PTPA: variants seen among roughly 807,000 people sequenced by gnomAD.
The protein encoded by PTPA is serine/threonine-protein phosphatase 2A activator.
In PTPA, 13 loss-of-function variants were observed where a neutral mutation model predicts 43.6. The observed-to-expected ratio is 0.30, with a 90% CI of 0.19 to 0.47. The LOEUF (loss-of-function observed/expected upper bound fraction) is 0.47. Ranked by LOEUF, PTPA falls within the 20% of genes least tolerant of loss-of-function variation. The pLI, the probability that PTPA is intolerant of heterozygous loss-of-function variation, is 0.99. For missense variants in PTPA, 329 were observed against 411.9 expected (o/e 0.80, Z 1.74); for synonymous variants, 172 against 158.2 (o/e 1.09, Z -0.66).
intron 2 of PTPA, 94 bp from the exon 3 acceptor site, chr9:129,122,958 G>A (rs997177733): frequency 5.4e-6 from 5 of 929,826 alleles, no homozygotes; most frequent in South Asian, 1.4e-5. Context: ...TAGAAAGCTC[G>A]GAGCTCTTTG....
chr9:129,141,068 C>T (rs1850776714), intron 8 of PTPA, among the ~76,000 whole-genome samples: 1 of 152,022 alleles, frequency 6.6e-6, no homozygotes, highest in Non-Finnish European at 1.5e-5. Flanking sequence ...AGCCTGTTGT[C>T]CTTGCTCCTG....
intron 9 of PTPA, among the ~76,000 whole-genome samples, chr9:129,147,024 C>T (rs553538419): frequency 2.6e-5 from 4 of 152,312 alleles, no homozygotes; most frequent in South Asian, 4.1e-4. Context: ...AATGTCCCCA[C>T]GTCTCTTCTC....
At chr9:129,120,130 C>T (rs890639510) in intron 1 of PTPA, among the ~76,000 whole-genome samples, 42 of 152,130 alleles carry the variant, frequency 2.8e-4, no homozygotes, top group African/African-American at 9.4e-4. Context: ...TGGTGACATA[C>T]GTCTGTAATC....
chr9:129,133,963 G>C (rs1020184338), intron 5 of PTPA, among the ~76,000 whole-genome samples: 1 of 152,198 alleles, frequency 6.6e-6, no homozygotes, highest in Non-Finnish European at 1.5e-5. Context: ...TCAGATTTCA[G>C]ATTAGATGTT....
chr9:129,145,291 A>G lies in PTPA; in HGVS notation c.895-2096A>G, dbSNP rs181955048. 5.0e-3 allele frequency among the ~76,000 whole-genome samples: 751 copies of G among 151,490 alleles called. 5 individuals carry two copies. Among genetic ancestry groups the G allele is most frequent in the Non-Finnish European group, 8.2e-3 (558 of 67,848 alleles). On this transcript the variant is annotated intron_variant, in intron 9 of 9. Transcript: ENST00000393370. ...GGTTGCAGTGAGCCGAGATCATGCC[A>G]CTGCACTCCAGCCTGGGCAACAGCG...
chr9:129,121,195 A>G (rs1849228773), intron 2 of PTPA, among the ~76,000 whole-genome samples: 1 of 152,200 alleles, frequency 6.6e-6, no homozygotes, highest in African/African-American at 2.4e-5. Flanking sequence ...TCAATTTCTC[A>G]GGGAAGGCCT....
intron 8 of PTPA, among the ~76,000 whole-genome samples, chr9:129,140,479 C>A (rs368532323): frequency 1.3e-5 from 2 of 152,344 alleles, no homozygotes; most frequent in South Asian, 2.1e-4. Flanking sequence ...GCCACTGGAG[C>A]TCCAGGACAT....
At chr9:129,111,297 G>C (rs1479334871), upstream of PTPA, 3 of 1,136,538 alleles carry the variant, frequency 2.6e-6, no homozygotes, top group African/African-American at 1.6e-5. Context: ...CGGTCCTAGC[G>C]CTTGGCGGCC....
chr9:129,124,336 G>A (rs552101497), intron 3 of PTPA, among the ~76,000 whole-genome samples: 1 of 144,318 alleles, frequency 6.9e-6, no homozygotes, highest in South Asian at 2.4e-4. Flanking sequence ...GAGCCACCAA[G>A]CTTGGCCCCT....
Position 129,122,999 on chromosome 9 carries a change from C to CA in PTPA, c.130-53_130-52insA, listed in dbSNP as rs369140071. 845 of 1,325,810 alleles carry CA rather than the reference C, an allele frequency of 6.4e-4. 8 individuals carry two copies. In the African/African-American group the frequency reaches 9.5e-3, roughly 15 times the overall value. 82.1% of individuals were successfully genotyped at this position (1,325,810 alleles called of 1,614,324 possible). ...CTGGTGGAGCTCGGGGCAGGTGGGG[C>CA]GGGGGGGTCTGCCACCCCTCTCCCC... On this transcript the variant is annotated intron_variant, in intron 2 of 9. Transcript: ENST00000393370.
At chr9:129,122,886 G>A (rs773548375) in intron 2 of PTPA, among the ~76,000 whole-genome samples, 166 bp from the exon 3 acceptor site, 7 of 152,176 alleles carry the variant, frequency 4.6e-5, no homozygotes, top group African/African-American at 7.2e-5. Context: ...GGTAGGGGTC[G>A]GTATTTGGCA....
chr9:129,140,334 G>T (rs1225824832), intron 8 of PTPA, among the ~76,000 whole-genome samples: 1 of 152,092 alleles, frequency 6.6e-6, no homozygotes, highest in Non-Finnish European at 1.5e-5. Flanking sequence ...GTTTTCCTTT[G>T]CCAGAGTTAC....
At chr9:129,111,318 A>C, upstream of PTPA, 4 of 1,132,394 alleles carry the variant, frequency 3.5e-6, no homozygotes, top group Non-Finnish European at 3.2e-6. Flanking sequence ...GTTGGCGCGC[A>C]TGCGCCCCGC....
At chr9:129,140,994 T>C (rs1488659013) in intron 8 of PTPA, among the ~76,000 whole-genome samples, 1 of 151,812 alleles carries the variant, frequency 6.6e-6, no homozygotes, top group Admixed American at 6.6e-5. Context: ...TTTGTCTCTG[T>C]TGGGTGCCTC....
chr9:129,127,028 G>T (rs1849625925), intron 3 of PTPA, among the ~76,000 whole-genome samples: 1 of 152,116 alleles, frequency 6.6e-6, no homozygotes, highest in Admixed American at 6.5e-5. Context: ...TTCTGCATGG[G>T]TTAGGTCTGG....
intron 6 of PTPA, among the ~76,000 whole-genome samples, chr9:129,135,158 G>T (rs778505875): frequency 2.0e-5 from 3 of 152,208 alleles, no homozygotes; most frequent in Non-Finnish European, 4.4e-5. Flanking sequence ...ACTTTGGGAG[G>T]CCCAGGCAGG....
At chr9:129,110,993 G>C (rs746732685), upstream of PTPA, 4 of 1,371,294 alleles carry the variant, frequency 2.9e-6, no homozygotes, top group South Asian at 4.5e-5. This position sits in a 1 kb window ranked among gnomAD's most constrained non-coding sequence, Gnocchi z 5.3. Flanking sequence ...CCGTCCAGCT[G>C]TCTCTCCCCT....
chr9:129,146,439 AAGTT>A lies in PTPA; in HGVS notation c.895-943_895-940del, dbSNP rs1485731821. ...CCAGTCATAGCACCCGTTTGTCTCT[AAGTT>A]AGTTGGAGGTTAAGATCACAGCCAC... On this transcript the variant is annotated intron_variant, in intron 9 of 9. Coordinates refer to ENST00000393370, the MANE Select transcript of PTPA (RefSeq NM_178000.3). Among the ~76,000 whole-genome samples, 7 of 152,132 alleles carry A rather than the reference AAGTT, an allele frequency of 4.6e-5. No individual in the cohort carries two copies. In the East Asian group the frequency reaches 1.3e-3, roughly 29 times the overall value.
chr9:129,142,416 C>T lies in PTPA; in HGVS notation c.787-29C>T, dbSNP rs143906600. 1.2e-4 allele frequency: 191 copies of T among 1,542,812 alleles called. No homozygotes were observed. The East Asian group carries it at 4.2e-3, about 34-fold the overall frequency. On this transcript the variant is annotated intron_variant, in intron 8 of 9. Transcript: ENST00000393370. ...GGATGAGCTCCCAGCCAGAACCTGT[C>T]TCTTCAGCTTGTGGCTTCTCTTTTT...
Sources: allele counts gnomAD v4.1 joint callset (sites outside exome capture counted in the v4.1 genomes callset), GRCh38; gene constraint gnomAD v4.1.1; non-coding constraint Gnocchi (gnomAD v3.1); transcripts MANE v1.5; gene names NCBI Gene and HGNC (gene_info 2026-07-23, HGNC 2026-07-21).